The following MYRF variants were observed in gnomAD, a reference collection of about 807,000 sequenced individuals.
MYRF encodes the protein myelin regulatory factor, also known as myelin gene regulatory factor.
A neutral mutation model predicts 126.3 loss-of-function variants in MYRF; 16 were observed. The ratio of observed to expected loss-of-function variants is 0.13; its 90% confidence interval spans 0.09 to 0.19. MYRF has a LOEUF of 0.19. Among genes scored for constraint, MYRF ranks in the 10% least tolerant of loss-of-function variants. The probability of loss-of-function intolerance (pLI) is 1.00; values close to 1 mark genes in which losing one functional copy is unlikely to be tolerated. For missense variants in MYRF, 1,104 were observed against 1,547.0 expected (o/e 0.71, Z 4.80); for synonymous variants, 608 against 635.3 (o/e 0.96, Z 0.65).
rs558576656 is a variant in MYRF, at chr11:61,757,354, G to A, written c.46+4564G>A. The stretch of plus-strand genomic sequence containing the variant: ...CGTATCAGGGCACCGCTGTGCCTCC[G>A]CTTTCTCATCTGTAAAACGGGAGTG... On this transcript the variant is annotated intron_variant, in intron 1 of 26. Transcript: ENST00000278836. The surrounding 1 kb of genome is among the most constrained non-coding windows in gnomAD (Gnocchi z 4.7). 9 of 455,038 alleles carry A rather than the reference G, an allele frequency of 2.0e-5. No homozygotes were observed. Among genetic ancestry groups the A allele is most frequent in the African/African-American group, 1.2e-4 (6 of 50,170 alleles). 28.2% of individuals were successfully genotyped at this position (455,038 alleles called of 1,614,324 possible). A position where few individuals can be genotyped will look rare whatever the true frequency, so the allele number is the denominator to read the frequency against.
At chr11:61,752,907 C>T (rs1306817055) in intron 1 of MYRF, 117 bp downstream of exon 1, 6 of 1,017,710 alleles carry the variant, frequency 5.9e-6, no homozygotes, top group Non-Finnish European at 8.2e-6. Context: ...GACCCTCCTT[C>T]AGGCTGGCAC....
chr11:61,781,509 G>C, intron 21 of MYRF, 64 bp from the exon 22 acceptor site: 1 of 1,573,202 alleles, frequency 6.4e-7, no homozygotes, highest in Non-Finnish European at 8.6e-7. Flanking sequence ...TGGGGCCCTA[G>C]AGACAGCTGG....
intron 20 of MYRF, 35 bp from the exon 21 acceptor site, chr11:61,781,103 G>T (rs550620632): frequency 9.3e-6 from 15 of 1,611,586 alleles, no homozygotes; most frequent in African/African-American, 1.3e-5. Flanking sequence ...TGTCTTTGGG[G>T]CTTCTCTGGC....
chr11:61,776,315 T>C lies in MYRF; in HGVS notation c.1389-7T>C, dbSNP rs2066381073. On this transcript the variant is annotated splice_polypyrimidine_tract_variant and splice_region_variant and intron_variant, in intron 9 of 26. Transcript: ENST00000278836. The surrounding 1 kb of genome is among the most constrained non-coding windows in gnomAD (Gnocchi z 4.3). The stretch of plus-strand genomic sequence containing the variant: ...TGCCCCCTGAGCACCCTGCCTCTCC[T>C]CTGCAGGGTCAATCTGCCCCCTGAG... 6.2e-7 allele frequency: 1 copy of C among 1,609,562 alleles called. No individual in the cohort carries two copies. The highest frequency in any genetic ancestry group is 1.3e-5 in the African/African-American group (1 of 74,834).
At chr11:61,771,410 C>G in intron 5 of MYRF, 90 bp from the exon 6 acceptor site, 1 of 1,514,444 alleles carries the variant, frequency 6.6e-7, no homozygotes. Context: ...CTGGCCCAAA[C>G]AGGCTAGAGA....
At chr11:61,775,586 A>C (rs1261129407) in intron 8 of MYRF, among the ~76,000 whole-genome samples, 2 of 152,008 alleles carry the variant, frequency 1.3e-5, no homozygotes, top group Non-Finnish European at 2.9e-5. Context: ...GTGCACGTGG[A>C]GGAGTAGAGG....
At chr11:61,761,941 ACACT>A (rs1443980786) in intron 1 of MYRF, among the ~76,000 whole-genome samples, 1 of 152,238 alleles carries the variant, frequency 6.6e-6, no homozygotes, top group Admixed American at 6.5e-5. Flanking sequence ...TGGTGGACAG[ACACT>A]CATCCTGCCC....
Position 61,777,883 on chromosome 11 carries a change from C to T in MYRF, c.1903+38C>T. ...CTGGTGCGGACTGGGGTCCGGAAAC[C>T]CAGAAACCTCGGGCCTCAGTGACCT... On this transcript the variant is annotated intron_variant, in intron 13 of 26. Transcript: ENST00000278836. The surrounding 1 kb of genome is among the most constrained non-coding windows in gnomAD (Gnocchi z 8.8). 6.6e-7 allele frequency: 1 copy of T among 1,510,666 alleles called. No individual in the cohort carries two copies. Among genetic ancestry groups the T allele is most frequent in the South Asian group, 1.2e-5 (1 of 83,272 alleles). 93.6% of individuals were successfully genotyped at this position (1,510,666 alleles called of 1,614,324 possible). A position where few individuals can be genotyped will look rare whatever the true frequency, so the allele number is the denominator to read the frequency against.
chr11:61,764,385 A>T (rs1243379526), intron 1 of MYRF, among the ~76,000 whole-genome samples: 2 of 152,348 alleles, frequency 1.3e-5, no homozygotes, highest in East Asian at 3.9e-4. Flanking sequence ...TACTCAAAAC[A>T]GCCCCTTGAA....
chr11:61,775,530 G>A (rs1406838603), intron 8 of MYRF, among the ~76,000 whole-genome samples: 1 of 152,154 alleles, frequency 6.6e-6, no homozygotes, highest in Non-Finnish European at 1.5e-5. Flanking sequence ...TGTCGGCTTC[G>A]GTGTGATGAG....
In MYRF at chr11:61,777,734, G is replaced by T; in HGVS notation, c.1792G>T (p.Val598Leu). 6.5e-7 allele frequency: 1 copy of T among 1,550,098 alleles called. No individual in the cohort carries two copies. Among genetic ancestry groups the T allele is most frequent in the Non-Finnish European group, 8.7e-7 (1 of 1,145,814 alleles). The change falls in exon 13 of 27, where the codon GTG (valine) becomes TTG (leucine). Residue 598 changes from valine to leucine, a missense_variant and splice_region_variant. Transcript: ENST00000278836. The surrounding 1 kb of genome is among the most constrained non-coding windows in gnomAD (Gnocchi z 8.8). ...DLRAKEHVQEVDTTEQLKRIS... is the reference protein window; with the variant it reads ...DLRAKEHVQELDTTEQLKRIS... Reference sequence around the variant, plus strand: ...CATTCCCGGGCCTGGCTCCCCGCAGGTGGACACCACCGAGCAATTGAAGAG... The same window carrying T: ...CATTCCCGGGCCTGGCTCCCCGCAGTTGGACACCACCGAGCAATTGAAGAG...
In MYRF at chr11:61,786,043, C is replaced by T. The variant is rs773906204; in HGVS notation, c.3376-20C>T. On this transcript the variant is annotated intron_variant, in intron 26 of 26. Transcript: ENST00000278836. The surrounding 1 kb of genome is among the most constrained non-coding windows in gnomAD (Gnocchi z 4.5). ...CGCACCCCCAGAGCCACCTCACCTT[C>T]CCACTGCCCTTCCACCCAGGGTCAG... 4.3e-6 allele frequency: 7 copies of T among 1,613,666 alleles called. No individual in the cohort carries two copies. The Admixed American group carries it at 8.3e-5, about 19-fold the overall frequency.
At chr11:61,755,643 C>T (rs1286947967) in intron 1 of MYRF, 5 of 730,732 alleles carry the variant, frequency 6.8e-6, no homozygotes, top group Non-Finnish European at 1.0e-5. Context: ...ACCTGCAAGA[C>T]AGGAGGGGGT....
Position 61,776,537 on chromosome 11 carries a change from C to T in MYRF, c.1499+105C>T. The T allele has an allele frequency of 2.1e-6, 2 of 941,950 alleles. No homozygotes were observed. Among genetic ancestry groups the T allele is most frequent in the Non-Finnish European group, 3.2e-6 (2 of 615,714 alleles). The allele number at this position is 941,950 out of a possible 1,614,324, so 58.3% of individuals were successfully genotyped here. ...CAGAGTCCTACAGGCTGAGCCATTT[C>T]ACAGATGAGAGACCTGAGATTTAGA... is the stretch of plus-strand genomic sequence containing the variant. On this transcript the variant is annotated intron_variant, in intron 10 of 26. Coordinates refer to ENST00000278836, the MANE Select transcript of MYRF (RefSeq NM_001127392.3). The surrounding 1 kb of genome is among the most constrained non-coding windows in gnomAD (Gnocchi z 4.3).
chr11:61,781,858 G>T, intron 22 of MYRF, 34 bp downstream of exon 22: 1 of 1,501,104 alleles, frequency 6.7e-7, no homozygotes, highest in Non-Finnish European at 8.8e-7. Context: ...ACCCAGCCCA[G>T]CCTGGCAAGG....
Position 61,774,129 on chromosome 11 carries a change from C to G in MYRF, c.1278C>G (p.Leu426=). 6.2e-7 allele frequency: 1 copy of G among 1,613,052 alleles called. No homozygotes were observed. Among genetic ancestry groups the G allele is most frequent in the Non-Finnish European group, 8.5e-7 (1 of 1,179,444 alleles). Residue 426 remains leucine (L), a synonymous_variant, in exon 8 of 27, where the codon CTC becomes CTG. Coordinates refer to ENST00000278836, the MANE Select transcript of MYRF (RefSeq NM_001127392.3). ...AGACGCCCGAGGGCCTCAAGCCCCT[C>G]GACTGCTTCTATCTGAAGCTGCACG... ...YVKTPEGLKP[L]DCFYLKLHGV...
chr11:61,785,626 G>C, intron 25 of MYRF, 174 bp from the exon 26 acceptor site: 1 of 625,040 alleles, frequency 1.6e-6, no homozygotes, highest in Non-Finnish European at 2.9e-6. Context: ...TGGAGTAGCT[G>C]CCATTGCTCC....
At chr11:61,758,175 C>T (rs1057183860) in intron 1 of MYRF, among the ~76,000 whole-genome samples, 8 of 152,116 alleles carry the variant, frequency 5.3e-5, no homozygotes, top group African/African-American at 1.4e-4. Flanking sequence ...AGGGGGCTCC[C>T]GGACATTCTG....
In MYRF at chr11:61,783,868, AC is replaced by A; in HGVS notation, c.3139del (p.His1047ThrfsTer14). ...GDACRPGNFT[Y>X]HIPVSSGTPL... ...CCCTGCAGGCCTGGGAACTTCACCT[AC>A]CACATCCCTGTCAGTAGTGGCACCC... On this transcript the variant is annotated frameshift_variant, in exon 24 of 27. Coordinates refer to ENST00000278836, the MANE Select transcript of MYRF (RefSeq NM_001127392.3). LOFTEE classifies it high-confidence loss of function. This position sits in a 1 kb window ranked among gnomAD's most constrained non-coding sequence, Gnocchi z 4.6. 6.2e-7 allele frequency: 1 copy of A among 1,608,732 alleles called. No individual in the cohort carries two copies. The highest frequency in any genetic ancestry group is 1.1e-5 in the South Asian group (1 of 90,048).
Sources: gnomAD v4.1 joint callset for allele counts (sites outside exome capture counted in the v4.1 genomes callset) on GRCh38, gnomAD v4.1.1 for gene constraint, Gnocchi (gnomAD v3.1) non-coding constraint, MANE v1.5 for transcripts, NCBI Gene and HGNC (gene_info 2026-07-23, HGNC 2026-07-21) for gene names.